SLC35A3: variants seen among roughly 807,000 people sequenced by gnomAD.
SLC35A3 encodes the protein solute carrier family 35 member A3, also known as UDP-N-acetylglucosamine transporter.
A neutral mutation model predicts 39.0 loss-of-function variants in SLC35A3; 26 were observed. The observed-to-expected ratio is 0.67, with a 90% CI of 0.49 to 0.92. The LOEUF (loss-of-function observed/expected upper bound fraction) is 0.92. Among genes scored for constraint, SLC35A3 ranks in the 40% least tolerant of loss-of-function variants. SLC35A3 has a pLI of 0.00. For synonymous variants in SLC35A3, 135 were observed against 133.1 expected (o/e 1.01, Z -0.10); for missense variants, 299 against 371.6 (o/e 0.80, Z 1.61).
rs1450229161 is a variant in SLC35A3, at chr1:100,011,392, A to C, written c.493A>C (p.Lys165Gln). Reference protein sequence around the residue: ...QWPSDSQLDSKELSAGSQFVG... With the variant: ...QWPSDSQLDSQELSAGSQFVG... The stretch of plus-strand genomic sequence containing the variant: ...GCCCTCAGATTCTCAGCTTGATTCT[A>C]AGGAACTTTCAGCTGGTTCTCAATT... Residue 165 changes from lysine (K) to glutamine (Q), a missense_variant, in exon 5 of 8, where the codon AAG becomes CAG. By Grantham distance (53) the Lys-to-Gln change is moderately conservative. Coordinates refer to ENST00000533028, the MANE Select transcript of SLC35A3 (RefSeq NM_012243.3). 2 of 1,551,196 alleles carry C rather than the reference A, an allele frequency of 1.3e-6. No homozygotes were observed. The highest frequency in any genetic ancestry group is 1.7e-6 in the Non-Finnish European group (2 of 1,145,544).
Position 100,026,876 on chromosome 1 carries a change from G to A in SLC35A3, c.*4400G>A, listed in dbSNP as rs1660939939. The A allele has an allele frequency of 3.7e-6, 1 of 271,792 alleles. No individual in the cohort carries two copies. The highest frequency in any genetic ancestry group is 5.3e-5 in the Admixed American group (1 of 19,020). The allele number at this position is 271,792 out of a possible 1,614,324, so 16.8% of individuals were successfully genotyped here. A position where few individuals can be genotyped will look rare whatever the true frequency, so the allele number is the denominator to read the frequency against. ...GTATAAATTGGTCTTTTGTTAAATG[G>A]CTTTTTAATTGATAAACTTCTCTTG... is the stretch of plus-strand genomic sequence containing the variant. On this transcript the variant is annotated 3_prime_UTR_variant, in exon 8 of 8. Transcript: ENST00000533028.
rs1661428950 is a variant in SLC35A3 at position 100,035,086 on chromosome 1, A to T, written c.*12610A>T. 6.6e-6 allele frequency: 1 copy of T among 151,972 alleles called. No homozygotes were observed. Among genetic ancestry groups the T allele is most frequent in the Non-Finnish European group, 1.5e-5 (1 of 68,018 alleles). 9.4% of individuals were successfully genotyped at this position (151,972 alleles called of 1,614,324 possible). On this transcript the variant is annotated 3_prime_UTR_variant, in exon 8 of 8. Transcript: ENST00000533028. Reference sequence around the variant, plus strand: ...GGTCATCCCTCCATATGAGGAGGGGAGTGGGAATTGGTTGTGGGACTTCCG... The same window carrying T: ...GGTCATCCCTCCATATGAGGAGGGGTGTGGGAATTGGTTGTGGGACTTCCG...
Position 100,032,461 on chromosome 1 carries a change from CA to C in SLC35A3, c.*9987del, listed in dbSNP as rs1342734955. The C allele has an allele frequency of 8.6e-5, 13 of 152,038 alleles. No homozygotes were observed. The highest frequency in any genetic ancestry group is 2.4e-4 in the African/African-American group (10 of 41,402). 9.4% of individuals were successfully genotyped at this position (152,038 alleles called of 1,614,324 possible). A position where few individuals can be genotyped will look rare whatever the true frequency, so the allele number is the denominator to read the frequency against. On this transcript the variant is annotated 3_prime_UTR_variant, in exon 8 of 8. Transcript: ENST00000533028. ...CTTCATGAATTTAAAAAAAATTACT[CA>C]ATATATTATAGCCAATCGGTCACAG...
intron 1 of SLC35A3, among the ~76,000 whole-genome samples, chr1:99,986,589 TA>T (rs375781169): frequency 2.6e-5 from 4 of 151,978 alleles, no homozygotes; most frequent in African/African-American, 9.7e-5. Flanking sequence ...TTTATTTATT[TA>T]TTTTTTTGAT....
intron 3 of SLC35A3, among the ~76,000 whole-genome samples, chr1:100,005,087 C>T (rs182501236): frequency 3.2e-4 from 49 of 152,214 alleles, no homozygotes; most frequent in African/African-American, 9.4e-4. Flanking sequence ...AGTTTCACTG[C>T]GTATGGTATT....
Position 100,023,803 on chromosome 1 carries a change from T to C in SLC35A3, c.*1327T>C, listed in dbSNP as rs924355629. ...GCAGGTGGATCACAAGGTCAAGAGA[T>C]TGAGACTATCCTGACCAACATGGTG... is the stretch of plus-strand genomic sequence containing the variant. On this transcript the variant is annotated 3_prime_UTR_variant, in exon 8 of 8. Transcript: ENST00000533028. The C allele has an allele frequency of 6.6e-6, 1 of 152,212 alleles. No homozygotes were observed. Among genetic ancestry groups the C allele is most frequent in the Non-Finnish European group, 1.5e-5 (1 of 68,162 alleles). 9.4% of individuals were successfully genotyped at this position (152,212 alleles called of 1,614,324 possible). A position where few individuals can be genotyped will look rare whatever the true frequency, so the allele number is the denominator to read the frequency against.
chr1:99,978,195 C>CT (rs35386709), intron 1 of SLC35A3, among the ~76,000 whole-genome samples: 1 of 152,002 alleles, frequency 6.6e-6, no homozygotes, highest in African/African-American at 2.4e-5. Context: ...CTTTTATGTC[C>CT]TTTTTTCCTC....
intron 7 of SLC35A3, among the ~76,000 whole-genome samples, chr1:100,019,393 A>G (rs1660376513): frequency 6.6e-6 from 1 of 150,606 alleles, no homozygotes; most frequent in Non-Finnish European, 1.5e-5. Flanking sequence ...GAATGAATGA[A>G]TGAATGAATG....
At chr1:100,016,062 T>C (rs1660082469) in intron 6 of SLC35A3, among the ~76,000 whole-genome samples, 2 of 146,464 alleles carry the variant, frequency 1.4e-5, no homozygotes, top group African/African-American at 2.6e-5. Flanking sequence ...AGGATACTTC[T>C]ATTTTTTTTT....
intron 1 of SLC35A3, among the ~76,000 whole-genome samples, chr1:99,979,688 C>T (rs1170121209): frequency 6.6e-6 from 1 of 151,228 alleles, no homozygotes; most frequent in East Asian, 2.0e-4. Flanking sequence ...CCCACCTTGG[C>T]TTCCCAAAGT....
intron 5 of SLC35A3, among the ~76,000 whole-genome samples, chr1:100,014,070 T>G (rs1049243393): frequency 3.9e-5 from 6 of 152,210 alleles, no homozygotes; most frequent in Admixed American, 3.9e-4. Flanking sequence ...AGATTCAACA[T>G]GAACAAGACA....
intron 5 of SLC35A3, among the ~76,000 whole-genome samples, chr1:100,012,812 A>G (rs1291727694): frequency 3.3e-5 from 5 of 152,322 alleles, no homozygotes; most frequent in East Asian, 1.9e-4. Flanking sequence ...TTACCATTCT[A>G]AAAAACAGAA....
chr1:99,990,114 T>G (rs1428427027), intron 1 of SLC35A3, among the ~76,000 whole-genome samples: 1 of 152,182 alleles, frequency 6.6e-6, no homozygotes, highest in Non-Finnish European at 1.5e-5. Context: ...GGTTTGTGCT[T>G]TTTGTATCCT....
chr1:100,016,500 A>G (rs929087326), intron 6 of SLC35A3, among the ~76,000 whole-genome samples: 28 of 151,382 alleles, frequency 1.8e-4, no homozygotes, highest in African/African-American at 6.6e-4. Context: ...CAGCCTCCCA[A>G]GTAGCTGGGA....
At chr1:99,997,398 TTATATATAGTTTTA>T (rs1421770449) in intron 2 of SLC35A3, among the ~76,000 whole-genome samples, 9 of 102,066 alleles carry the variant, frequency 8.8e-5, no homozygotes, top group African/African-American at 3.4e-4. Context: ...GTTATATGTT[TTATATATAGTTTTA>T]TATATATATA....
intron 1 of SLC35A3, among the ~76,000 whole-genome samples, chr1:99,972,192 C>T (rs1056323023): frequency 1.3e-5 from 2 of 152,056 alleles, no homozygotes; most frequent in Admixed American, 6.6e-5. Context: ...TGAGCCACTA[C>T]GCCCAGCCCA....
At chr1:99,990,176 T>C (rs1657992735) in intron 1 of SLC35A3, among the ~76,000 whole-genome samples, 1 of 152,214 alleles carries the variant, frequency 6.6e-6, no homozygotes, top group African/African-American at 2.4e-5. Flanking sequence ...CTATGCCTTG[T>C]TATTATTGAA....
rs1336874594 is a variant in SLC35A3 at position 100,027,665 on chromosome 1, G to A, written c.*5189G>A. ...CTTCCATTGTGACTGTCAATTGAAT[G>A]CATGGAGATCAATTGTGATAATATA... On this transcript the variant is annotated 3_prime_UTR_variant, in exon 8 of 8. Coordinates refer to ENST00000533028, the MANE Select transcript of SLC35A3 (RefSeq NM_012243.3). The A allele has an allele frequency of 1.3e-5, 2 of 152,238 alleles. No individual in the cohort carries two copies. The highest frequency in any genetic ancestry group is 4.8e-5 in the African/African-American group (2 of 41,392). The allele number at this position is 152,238 out of a possible 1,614,324, so 9.4% of individuals were successfully genotyped here.
chr1:99,979,063 A>G (rs533692303), intron 1 of SLC35A3: 2 of 152,228 alleles, frequency 1.3e-5, no homozygotes, highest in Admixed American at 1.3e-4. Context: ...ATAGATGTAG[A>G]ATTGGAAACA....
Sources: gnomAD v4.1 joint callset for allele counts (sites outside exome capture counted in the v4.1 genomes callset) on GRCh38, gnomAD v4.1.1 for gene constraint, MANE v1.5 for transcripts, NCBI Gene and HGNC (gene_info 2026-07-23, HGNC 2026-07-21) for gene names.